Variants in DIS3L2 observed in about 807,000 individuals in gnomAD.
The protein encoded by DIS3L2 is DIS3 like 3'-5' exoribonuclease 2, also known as DIS3-like exonuclease 2.
A neutral mutation model predicts 97.5 loss-of-function variants in DIS3L2; 34 were observed. That is an observed-to-expected ratio of 0.35 (90% CI 0.27 to 0.46). The LOEUF (loss-of-function observed/expected upper bound fraction) is 0.46. Among genes scored for constraint, DIS3L2 ranks in the 20% least tolerant of loss-of-function variants. The pLI is 1.00. For synonymous variants in DIS3L2, 435 were observed against 445.2 expected (o/e 0.98, Z 0.29); for missense variants, 1,038 against 1,146.0 (o/e 0.91, Z 1.36).
intron 6 of DIS3L2, among the ~76,000 whole-genome samples, chr2:232,090,116 G>T (rs1474335536): frequency 3.3e-5 from 5 of 151,956 alleles, no homozygotes; most frequent in South Asian, 2.1e-4. Flanking sequence ...TGTTGTTGTT[G>T]TTTTTTAATA....
chr2:232,243,502 C>G (rs940010024), intron 11 of DIS3L2, among the ~76,000 whole-genome samples: 3 of 152,114 alleles, frequency 2.0e-5, no homozygotes, highest in Non-Finnish European at 2.9e-5. Context: ...CCCTTTCCCC[C>G]AGTCATATCC....
intron 14 of DIS3L2, among the ~76,000 whole-genome samples, chr2:232,316,209 A>G (rs871411): frequency 0.3 from 44,868 of 151,984 alleles, 7,594 homozygotes; most frequent in East Asian, 0.48. Context: ...TTGTTGTTCT[A>G]TAAATCTGTT....
At chr2:232,086,366 T>C (rs1231604507) in intron 5 of DIS3L2, among the ~76,000 whole-genome samples, 2 of 7,894 alleles carry the variant, frequency 2.5e-4, no homozygotes, top group African/African-American at 2.0e-3. Flanking sequence ...TATGTGTATA[T>C]GTATATGTAT....
chr2:231,982,298 C>G (rs1364068390), intron 1 of DIS3L2, among the ~76,000 whole-genome samples: 1 of 152,148 alleles, frequency 6.6e-6, no homozygotes, highest in Non-Finnish European at 1.5e-5. Flanking sequence ...GCTTTGCAAT[C>G]TAGAATACAC....
intron 9 of DIS3L2, among the ~76,000 whole-genome samples, chr2:232,196,541 G>T (rs2106201841): frequency 6.6e-6 from 1 of 152,168 alleles, no homozygotes; most frequent in South Asian, 2.1e-4. Context: ...CCTCCAGGGG[G>T]AATATTTTGA....
chr2:231,995,980 G>A (rs907889983), intron 1 of DIS3L2, among the ~76,000 whole-genome samples: 3 of 152,200 alleles, frequency 2.0e-5, no homozygotes, highest in African/African-American at 7.2e-5. Flanking sequence ...CTGTGGTAGC[G>A]ACACTTGTCC....
intron 10 of DIS3L2, among the ~76,000 whole-genome samples, chr2:232,235,483 T>C (rs17356126): frequency 0.22 from 33,350 of 152,212 alleles, 4,412 homozygotes; most frequent in South Asian, 0.47. Flanking sequence ...TTCTCTTTGC[T>C]GGTTTCAGAG....
At position 232,292,554 on chromosome 2, in the gene DIS3L2, C is replaced by T. The variant is rs1209534577; in HGVS notation, c.1660-7486C>T. On this transcript the variant is annotated intron_variant, in intron 13 of 20. Coordinates refer to ENST00000325385, the MANE Select transcript of DIS3L2 (RefSeq NM_152383.5). The surrounding 1 kb of genome is among the most constrained non-coding windows in gnomAD (Gnocchi z 4.4). ...TCCTAGTCCCTTCAACTCATCCAGG[C>T]TCCTAGAGCTCACCCACGCGATTCT... 6.6e-6 allele frequency among the ~76,000 whole-genome samples: 1 copy of T among 152,228 alleles called. No homozygotes were observed. The highest frequency in any genetic ancestry group is 2.4e-5 in the African/African-American group (1 of 41,466).
At chr2:232,308,629 C>A (rs1047019691) in intron 14 of DIS3L2, among the ~76,000 whole-genome samples, 7 of 152,176 alleles carry the variant, frequency 4.6e-5, no homozygotes, top group African/African-American at 1.7e-4. Flanking sequence ...AAGGACAGTA[C>A]TCCTTGCAGC....
At chr2:232,333,698 C>G (rs1057094361) in intron 16 of DIS3L2, 142 bp from the exon 17 acceptor site, 1 of 1,307,516 alleles carries the variant, frequency 7.6e-7, no homozygotes, top group African/African-American at 1.5e-5. Context: ...CCCCAGTCCT[C>G]CCTGGCGTCA....
At chr2:232,290,131 G>A (rs1366591558) in intron 13 of DIS3L2, among the ~76,000 whole-genome samples, 6 of 152,302 alleles carry the variant, frequency 3.9e-5, no homozygotes, top group Admixed American at 2.6e-4. Flanking sequence ...ATGTTCTAAC[G>A]CAGTCATCCT....
Position 232,136,547 on chromosome 2 carries a change from G to C in DIS3L2, c.778G>C (p.Glu260Gln). 1 of 1,614,012 alleles carries C rather than the reference G, an allele frequency of 6.2e-7. No homozygotes were observed. Among genetic ancestry groups the C allele is most frequent in the Non-Finnish European group, 8.5e-7 (1 of 1,179,938 alleles). ...FLKLLADKNS[E>Q]LFRKYALFSP... is the part of the protein sequence containing the mutation. ...CAAACTCTTGGCTGATAAGAACAGC[G>C]AACTGTTTAGGAAATACGCCCTGTT... The change falls in exon 8 of 21, where the codon GAA becomes CAA. Residue 260 changes from glutamate (E) to glutamine (Q), a missense_variant. Coordinates refer to ENST00000325385, the MANE Select transcript of DIS3L2 (RefSeq NM_152383.5).
intron 14 of DIS3L2, among the ~76,000 whole-genome samples, chr2:232,324,573 A>G (rs1162256298): frequency 6.6e-6 from 1 of 151,982 alleles, no homozygotes; most frequent in Non-Finnish European, 1.5e-5. Flanking sequence ...GGGTGAGGTG[A>G]GTTTGTCAGC....
At chr2:232,114,248 AG>A (rs1451448557) in intron 6 of DIS3L2, among the ~76,000 whole-genome samples, 7 of 150,628 alleles carry the variant, frequency 4.6e-5, no homozygotes, top group African/African-American at 1.7e-4. Context: ...AGATGCTGGA[AG>A]ACCTGACTAA....
At chr2:232,030,757 A>G (rs759433796) in intron 5 of DIS3L2, among the ~76,000 whole-genome samples, 1 of 152,190 alleles carries the variant, frequency 6.6e-6, no homozygotes, top group East Asian at 1.9e-4. Context: ...GATTGGAGAC[A>G]TGTATCTAAG....
intron 9 of DIS3L2, among the ~76,000 whole-genome samples, chr2:232,205,232 AT>A (rs1486371100): frequency 1.3e-5 from 2 of 149,018 alleles, no homozygotes; most frequent in African/African-American, 4.9e-5. Context: ...ATATATATAT[AT>A]ATATAAAATG....
chr2:232,303,024 C>T (rs1159032900), intron 14 of DIS3L2, among the ~76,000 whole-genome samples: 2 of 152,176 alleles, frequency 1.3e-5, no homozygotes, highest in Admixed American at 6.5e-5. Context: ...TCACCAGTCT[C>T]ACATATAGAA....
chr2:232,055,920 G>A (rs1695535529), intron 5 of DIS3L2, among the ~76,000 whole-genome samples: 1 of 152,146 alleles, frequency 6.6e-6, no homozygotes. Context: ...CCCACTTGGA[G>A]AAAAAGGATG....
At position 232,136,555 on chromosome 2, in the gene DIS3L2, T is replaced by C. The variant is rs1033352725; in HGVS notation, c.786T>C (p.Phe262=). The change falls in exon 8 of 21, where the codon TTT becomes TTC. Residue 262 remains phenylalanine, a synonymous_variant. Transcript: ENST00000325385. ...KLLADKNSEL[F]RKYALFSPSD... is the part of the protein sequence containing the mutation. Reference sequence around the variant, plus strand: ...TGGCTGATAAGAACAGCGAACTGTTTAGGAAATACGCCCTGTTTTCTCCCT... The same window carrying C: ...TGGCTGATAAGAACAGCGAACTGTTCAGGAAATACGCCCTGTTTTCTCCCT... 1 of 1,613,950 alleles carries C rather than the reference T, an allele frequency of 6.2e-7. No individual in the cohort carries two copies. The highest frequency in any genetic ancestry group is 1.3e-5 in the African/African-American group (1 of 74,922).
Sources: gnomAD v4.1 joint callset for allele counts (sites outside exome capture counted in the v4.1 genomes callset) on GRCh38, gnomAD v4.1.1 for gene constraint, Gnocchi (gnomAD v3.1) non-coding constraint, MANE v1.5 for transcripts, NCBI Gene and HGNC (gene_info 2026-07-23, HGNC 2026-07-21) for gene names.